The following ZBTB4 variants were observed in gnomAD, a reference collection of about 807,000 sequenced individuals.
ZBTB4 encodes zinc finger and BTB domain-containing protein 4.
In ZBTB4, 14 loss-of-function variants were observed where a neutral mutation model predicts 59.8. The observed-to-expected ratio is 0.23, with a 90% CI of 0.15 to 0.37. The LOEUF (loss-of-function observed/expected upper bound fraction) is 0.37, where lower values mean the gene tolerates loss of function less well. Ranked by LOEUF, ZBTB4 falls within the 10% of genes least tolerant of loss-of-function variation. The probability of loss-of-function intolerance (pLI) is 1.00; values close to 1 mark genes in which losing one functional copy is unlikely to be tolerated. For synonymous variants in ZBTB4, 587 were observed against 575.2 expected (o/e 1.02, Z -0.29); for missense variants, 1,198 against 1,380.8 (o/e 0.87, Z 2.10).
rs1365468368 is a variant in ZBTB4, at chr17:7,466,810, C to T, written c.-9G>A. ...TCTGCAGGGGGGGGCATGGTGCCAG[C>T]CTAGACAGTGGGAGAAGAGGCCGGG... On this transcript the variant is annotated splice_region_variant and 5_prime_UTR_variant, in exon 3 of 4. Transcript: ENST00000380599. The surrounding 1 kb of genome is among the most constrained non-coding windows in gnomAD (Gnocchi z 9.1). 4 of 1,542,100 alleles carry T rather than the reference C, an allele frequency of 2.6e-6. No homozygotes were observed. In the African/African-American group the frequency reaches 5.4e-5, roughly 21 times the overall value.
chr17:7,479,624 A>C lies in ZBTB4; in HGVS notation c.-249T>G. ...GCTGCCGCCGCCGCCGCCGCCGCTGACATCATCGGCTCCCCCCGCCCCGGT... is the reference window on the plus strand; with the variant it reads ...GCTGCCGCCGCCGCCGCCGCCGCTGCCATCATCGGCTCCCCCCGCCCCGGT... On this transcript the variant is annotated 5_prime_UTR_variant, in exon 1 of 4. Transcript: ENST00000380599. The C allele has an allele frequency of 6.3e-6, 1 of 158,868 alleles. No homozygotes were observed. Among genetic ancestry groups the C allele is most frequent in the Non-Finnish European group, 1.3e-5 (1 of 77,230 alleles). 9.8% of individuals were successfully genotyped at this position (158,868 alleles called of 1,614,324 possible).
Position 7,465,789 on chromosome 17 carries a change from G to T in ZBTB4, c.1013C>A (p.Pro338His). The T allele has an allele frequency of 6.2e-7, 1 of 1,614,224 alleles. No homozygotes were observed. The highest frequency in any genetic ancestry group is 8.5e-7 in the Non-Finnish European group (1 of 1,180,042). The change falls in exon 3 of 4, where the codon CCC becomes CAC. Residue 338 changes from proline to histidine, a missense_variant. Physicochemically the swap from Pro to His is moderately conservative, Grantham distance 77. Transcript: ENST00000380599. ...AAACACTTTCTCACAATAGCGGCAG[G>T]GGTACTTCCTCCGCCACGAGTGTAC... The part of the protein sequence containing the change: ...SNVHSWRRKY[P>H]CRYCEKVFAL...
In ZBTB4 at chr17:7,462,877, A is replaced by T. The variant is rs1221503307; in HGVS notation, c.2105T>A (p.Leu702Gln). The change falls in exon 4 of 4, where the codon CTG becomes CAG. Residue 702 changes from leucine (L) to glutamine (Q), a missense_variant. This residue lies in a region of ZBTB4 where 550 missense variants were observed against 541.8 expected (regional missense o/e 1.02). Coordinates refer to ENST00000380599, the MANE Select transcript of ZBTB4 (RefSeq NM_001128833.2). The surrounding 1 kb of genome is among the most constrained non-coding windows in gnomAD (Gnocchi z 7.5). ...GGTTTCCTCCCAGCTCCTCCGTTCC[A>T]GCTTCTGCCTCCAACGTGGTGGCCG... The part of the protein sequence containing the change: ...GRRPPRWRQK[L>Q]ERRSWEETPA... 6.2e-7 allele frequency: 1 copy of T among 1,606,966 alleles called. No individual in the cohort carries two copies. The highest frequency in any genetic ancestry group is 8.5e-7 in the Non-Finnish European group (1 of 1,179,854).
upstream of ZBTB4, chr17:7,482,754 G>A: frequency 6.2e-7 from 1 of 1,612,036 alleles, no homozygotes; most frequent in Non-Finnish European, 8.5e-7. Flanking sequence ...AGTTGTGTGG[G>A]GGCAGTGGGG....
Position 7,467,226 on chromosome 17 carries a change from CCTCACTGTAGGCCTCTGGGTACCTT to C in ZBTB4, c.-10+6_-10+30del. 9.9e-7 allele frequency: 1 copy of C among 1,010,228 alleles called. No individual in the cohort carries two copies. Among genetic ancestry groups the C allele is most frequent in the Non-Finnish European group, 1.2e-6 (1 of 845,200 alleles). The allele number at this position is 1,010,228 out of a possible 1,614,324, so 62.6% of individuals were successfully genotyped here. ...GCCTGCTGCCTTGGGTCTACTTTGT[CCTCACTGTAGGCCTCTGGGTACCTT>C]CTCACCTGAGAGCACAGCCAACATG... On this transcript the variant is annotated splice_donor_region_variant and intron_variant, in intron 2 of 3. Transcript: ENST00000380599.
At position 7,462,047 on chromosome 17, in the gene ZBTB4, G is replaced by C; in HGVS notation, c.2935C>G (p.Pro979Ala). Residue 979 changes from proline to alanine, a missense_variant, in exon 4 of 4, where the codon CCT becomes GCT. By Grantham distance (27) the Pro-to-Ala change is conservative. Around this residue, in one of 9 missense-constraint regions of ZBTB4, gnomAD observed 211 missense variants for 236.1 expected, o/e 0.89. Coordinates refer to ENST00000380599, the MANE Select transcript of ZBTB4 (RefSeq NM_001128833.2). This position sits in a 1 kb window ranked among gnomAD's most constrained non-coding sequence, Gnocchi z 7.5. ...GYAVNPQAAP[P>A]APPTPPPPTL... is the part of the protein sequence containing the mutation. ...GGGGGAGGTGGTGTTGGTGGGGCAGGGGGTGCTGCTTGAGGATTCACTGCG... is the reference window on the plus strand; with the variant it reads ...GGGGGAGGTGGTGTTGGTGGGGCAGCGGGTGCTGCTTGAGGATTCACTGCG... The C allele has an allele frequency of 2.5e-6, 4 of 1,601,474 alleles. No individual in the cohort carries two copies. Among genetic ancestry groups the C allele is most frequent in the Non-Finnish European group, 3.4e-6 (4 of 1,173,446 alleles).
chr17:7,483,519 C>T (rs2070374642), upstream of ZBTB4: 1 of 192,278 alleles, frequency 5.2e-6, no homozygotes, highest in South Asian at 8.8e-5. Flanking sequence ...GTCGTCTCTG[C>T]TTTGGAGGGA....
At chr17:7,481,975 T>C (rs1163228956), upstream of ZBTB4, 2 of 1,575,130 alleles carry the variant, frequency 1.3e-6, no homozygotes, top group Non-Finnish European at 1.7e-6. Context: ...CTGAGCTCCT[T>C]TCTCCCTAAC....
chr17:7,478,435 C>T (rs2241234), intron 1 of ZBTB4, among the ~76,000 whole-genome samples: 25,389 of 151,946 alleles, frequency 0.17, 2,422 homozygotes, highest in South Asian at 0.22. Context: ...ATCACAGACA[C>T]GCAAACCCAT....
chr17:7,483,311 C>G, upstream of ZBTB4: 1 of 492,828 alleles, frequency 2.0e-6, no homozygotes, highest in Non-Finnish European at 3.7e-6. Flanking sequence ...CTTCACTCAG[C>G]AGCAAAGAGA....
chr17:7,482,740 T>C (rs766168456), upstream of ZBTB4: 45 of 1,611,816 alleles, frequency 2.8e-5, no homozygotes, highest in Non-Finnish European at 3.8e-5. Flanking sequence ...ATCTCCCGAG[T>C]TGGAGTTGTG....
chr17:7,481,889 C>G, upstream of ZBTB4: 1 of 1,468,146 alleles, frequency 6.8e-7, no homozygotes, highest in Non-Finnish European at 9.1e-7. Flanking sequence ...CAACACTGTA[C>G]AGTCCCACAG....
At chr17:7,472,688 T>TTGGAGTGCAGTGGCACAATCA (rs2070215243) in intron 1 of ZBTB4, among the ~76,000 whole-genome samples, 2 of 124,322 alleles carry the variant, frequency 1.6e-5, no homozygotes, top group African/African-American at 3.0e-5. Flanking sequence ...GTTGCCCAGG[T>TTGGAGTGCAGTGGCACAATCA]TGGAGTGCAG....
At chr17:7,476,378 T>A (rs2070269726) in intron 1 of ZBTB4, among the ~76,000 whole-genome samples, 1 of 152,230 alleles carries the variant, frequency 6.6e-6, no homozygotes, top group South Asian at 2.1e-4. Context: ...CCAGGCGTGA[T>A]GGCAGATACC....
rs775586734 is a variant in ZBTB4 at position 7,463,260 on chromosome 17, T to C, written c.1722A>G (p.Pro574=). 20 of 1,611,470 alleles carry C rather than the reference T, an allele frequency of 1.2e-5. No homozygotes were observed. Among genetic ancestry groups the C allele is most frequent in the Non-Finnish European group, 1.7e-5 (20 of 1,179,272 alleles). ...CCCCACCTCCACCAATCCCGCCCAC[T>C]GGCTTGGCTGTGTAAGTCAGAGTCC... The part of the protein sequence containing the change: ...AGRTLTYTAK[P]VGGIGGGGGP... The change falls in exon 4 of 4, where the codon CCA becomes CCG. Residue 574 remains proline (P), a synonymous_variant. Transcript: ENST00000380599.
In ZBTB4 at chr17:7,466,366, C is replaced by A. The variant is rs1327068149; in HGVS notation, c.436G>T (p.Ala146Ser). 1.2e-6 allele frequency: 2 copies of A among 1,613,822 alleles called. No individual in the cohort carries two copies. The highest frequency in any genetic ancestry group is 2.2e-5 in the East Asian group (1 of 44,884). ...FSDVLNFIYS[A>S]RLALPGGGGD... is the part of the protein sequence containing the mutation. ...CCACCACCAGGCAGTGCGAGCCGGG[C>A]GCTGTAGATGAAGTTGAGGACATCA... Residue 146 changes from alanine to serine, a missense_variant, in exon 3 of 4, where the codon GCC becomes TCC. By Grantham distance (99) the Ala-to-Ser change is moderately conservative. Transcript: ENST00000380599. This position sits in a 1 kb window ranked among gnomAD's most constrained non-coding sequence, Gnocchi z 9.1.
intron 1 of ZBTB4, among the ~76,000 whole-genome samples, chr17:7,468,357 G>C (rs571529603): frequency 6.6e-6 from 1 of 151,372 alleles, no homozygotes; most frequent in East Asian, 1.9e-4. Flanking sequence ...TGGGCAACAA[G>C]AGCAAAACTC....
At position 7,463,410 on chromosome 17, in the gene ZBTB4, A is replaced by T; in HGVS notation, c.1572T>A (p.Pro524=). ...GTGTGGCTGCAGGCTCAGGGGGAGG[A>T]GGTGGGTATTCTCGTTTCTTGGGTG... The part of the protein sequence containing the change: ...PRPPKKREYP[P]PPPEPAATPT... The change falls in exon 4 of 4, where the codon CCT becomes CCA. Residue 524 remains proline, a synonymous_variant. Coordinates refer to ENST00000380599, the MANE Select transcript of ZBTB4 (RefSeq NM_001128833.2). 1 of 1,575,698 alleles carries T rather than the reference A, an allele frequency of 6.3e-7. No homozygotes were observed.
rs114898274 is a variant in ZBTB4 at position 7,461,970 on chromosome 17, A to T, written c.3012T>A (p.Val1004=). 2,075 of 1,573,532 alleles carry T rather than the reference A, an allele frequency of 1.3e-3. 28 individuals carry two copies. The African/African-American group carries it at 0.021, about 16-fold the overall frequency. ...PPKGEGERAG[V]ERTQKGDVG The stretch of plus-strand genomic sequence containing the variant: ...CCACATCGCCCTTCTGGGTTCTCTC[A>T]ACCCCTGCCCTTTCCCCTTCTCCCT... The change falls in exon 4 of 4, where the codon GTT becomes GTA. Residue 1004 remains valine (V), a synonymous_variant. Coordinates refer to ENST00000380599, the MANE Select transcript of ZBTB4 (RefSeq NM_001128833.2).
Sources: gnomAD v4.1 joint callset for allele counts (sites outside exome capture counted in the v4.1 genomes callset) on GRCh38, gnomAD v4.1.1 for gene constraint, gnomAD v4.1.1 regional missense constraint, Gnocchi (gnomAD v3.1) non-coding constraint, MANE v1.5 for transcripts, NCBI Gene and HGNC (gene_info 2026-07-23, HGNC 2026-07-21) for gene names.